Variants in MEI4 observed in about 807,000 individuals in gnomAD.
MEI4 encodes meiosis-specific protein MEI4.
MEI4 carries 27 observed loss-of-function variants against 31.4 expected under a neutral mutation model. The ratio of observed to expected loss-of-function variants is 0.86; its 90% CI spans 0.63 to 1.19. MEI4 has a LOEUF of 1.19. MEI4 is among the 50% of genes most tolerant of loss of function. MEI4 has a pLI of 0.00. For synonymous variants in MEI4, 122 were observed against 145.4 expected (o/e 0.84, Z 1.16); for missense variants, 329 against 398.9 (o/e 0.82, Z 1.49).
At chr6:77,766,632 T>C (rs1209830657) in intron 3 of MEI4, among the ~76,000 whole-genome samples, 1 of 152,120 alleles carries the variant, frequency 6.6e-6, no homozygotes, top group Non-Finnish European at 1.5e-5. Flanking sequence ...CAGGATGATC[T>C]CGATCTCCTG....
At chr6:77,748,582 C>T (rs1767676232) in intron 2 of MEI4, among the ~76,000 whole-genome samples, 1 of 152,206 alleles carries the variant, frequency 6.6e-6, no homozygotes, top group Non-Finnish European at 1.5e-5. Context: ...ATGGGAGGGG[C>T]TGCATTAAAG....
chr6:77,690,086 G>A (rs550841752), intron 1 of MEI4, among the ~76,000 whole-genome samples: 2 of 152,146 alleles, frequency 1.3e-5, no homozygotes, highest in East Asian at 3.9e-4. Context: ...CAACTTAAAT[G>A]ATGCAAATAT....
intron 4 of MEI4, among the ~76,000 whole-genome samples, chr6:77,843,914 C>T (rs1359500604): frequency 6.6e-6 from 1 of 151,940 alleles, no homozygotes; most frequent in East Asian, 1.9e-4. Context: ...AGTTGGAAGC[C>T]CTGAGTTCTA....
chr6:77,776,687 C>T (rs756769544), intron 3 of MEI4, among the ~76,000 whole-genome samples: 4 of 152,120 alleles, frequency 2.6e-5, no homozygotes, highest in Non-Finnish European at 5.9e-5. Context: ...CATGTTAAGT[C>T]AACCCTGAAG....
chr6:77,656,913 C>G (rs1310304189), intron 1 of MEI4, among the ~76,000 whole-genome samples: 2 of 151,994 alleles, frequency 1.3e-5, no homozygotes, highest in Non-Finnish European at 2.9e-5. Flanking sequence ...TTAGTAAACC[C>G]TCTTCATCAA....
chr6:77,702,087 A>G (rs1027839821), intron 2 of MEI4, among the ~76,000 whole-genome samples: 1 of 152,174 alleles, frequency 6.6e-6, no homozygotes, highest in Non-Finnish European at 1.5e-5. Flanking sequence ...GTTTTTAGCT[A>G]GACTAGTGGT....
At chr6:77,665,924 C>T (rs1295978405) in intron 1 of MEI4, among the ~76,000 whole-genome samples, 4 of 152,106 alleles carry the variant, frequency 2.6e-5, no homozygotes, top group East Asian at 1.9e-4. Context: ...GGATCTTTCT[C>T]ATGGAGCAAA....
chr6:77,758,155 CAAAA>C (rs58249702), intron 2 of MEI4, among the ~76,000 whole-genome samples: 6 of 115,846 alleles, frequency 5.2e-5, no homozygotes, highest in African/African-American at 9.8e-5. Context: ...CTCCATCTCA[CAAAA>C]AAAAAAAAAA....
intron 3 of MEI4, among the ~76,000 whole-genome samples, chr6:77,803,900 G>T (rs1769349387): frequency 6.6e-6 from 1 of 152,294 alleles, no homozygotes; most frequent in Admixed American, 6.5e-5. Context: ...TTGCCTCCCA[G>T]TTAGGCTACT....
chr6:77,853,510 T>G (rs977306464), intron 4 of MEI4, among the ~76,000 whole-genome samples: 1 of 152,210 alleles, frequency 6.6e-6, no homozygotes, highest in Non-Finnish European at 1.5e-5. Context: ...AGTTCTTTTG[T>G]TATAAGTCAA....
chr6:77,661,916 G>A (rs1768518296), intron 1 of MEI4, among the ~76,000 whole-genome samples: 2 of 152,174 alleles, frequency 1.3e-5, no homozygotes, highest in Non-Finnish European at 2.9e-5. Flanking sequence ...ATCAGCATAA[G>A]CATTGCCTAG....
intron 4 of MEI4, among the ~76,000 whole-genome samples, chr6:77,921,904 T>A (rs1442590913): frequency 6.6e-6 from 1 of 151,702 alleles, no homozygotes; most frequent in Non-Finnish European, 1.5e-5. Context: ...TGATTGCAGA[T>A]CACTGTAACA....
At chr6:77,917,003 G>A (rs1766573910) in intron 4 of MEI4, among the ~76,000 whole-genome samples, 1 of 145,604 alleles carries the variant, frequency 6.9e-6, no homozygotes. Flanking sequence ...TCCCACCTAT[G>A]AGTGAGAATA....
At chr6:77,655,314 A>G (rs1288215778) in intron 1 of MEI4, among the ~76,000 whole-genome samples, 1 of 152,124 alleles carries the variant, frequency 6.6e-6, no homozygotes, top group Non-Finnish European at 1.5e-5. Context: ...ATTGATGGGC[A>G]TTTGGCTTGG....
chr6:77,912,746 C>T (rs969223549), intron 4 of MEI4, among the ~76,000 whole-genome samples: 2 of 151,998 alleles, frequency 1.3e-5, no homozygotes, highest in African/African-American at 2.4e-5. Context: ...TATCATTTGC[C>T]TAAAGGAACA....
At chr6:77,671,985 G>A (rs541998603) in intron 1 of MEI4, among the ~76,000 whole-genome samples, 4 of 151,922 alleles carry the variant, frequency 2.6e-5, no homozygotes, top group Non-Finnish European at 5.9e-5. Context: ...AGGGAGTGCC[G>A]AATTTCCAGA....
At chr6:77,714,928 A>G (rs1766546034) in intron 2 of MEI4, among the ~76,000 whole-genome samples, 1 of 152,200 alleles carries the variant, frequency 6.6e-6, no homozygotes, top group Admixed American at 6.5e-5. Flanking sequence ...TGTTTGACAG[A>G]AATGCCTTTT....
At chr6:77,657,358 C>T (rs1430790909) in intron 1 of MEI4, among the ~76,000 whole-genome samples, 1 of 152,202 alleles carries the variant, frequency 6.6e-6, no homozygotes, top group African/African-American at 2.4e-5. Flanking sequence ...GGTTTTCCAA[C>T]TGGGATCCAT....
intron 4 of MEI4, among the ~76,000 whole-genome samples, chr6:77,873,276 CTT>C (rs1222631239): frequency 2.0e-5 from 3 of 152,280 alleles, no homozygotes; most frequent in African/African-American, 7.2e-5. Context: ...TGTTTCCTGA[CTT>C]TTTAATGATC....
Sources: gnomAD v4.1 joint callset for allele counts (sites outside exome capture counted in the v4.1 genomes callset) on GRCh38, gnomAD v4.1.1 for gene constraint, MANE v1.5 for transcripts, NCBI Gene and HGNC (gene_info 2026-07-23, HGNC 2026-07-21) for gene names.